The following XPO5 variants were observed in gnomAD, a reference collection of about 807,000 sequenced individuals.
XPO5 encodes exportin 5, also known as exportin-5.
XPO5 carries 46 observed loss-of-function variants against 160.6 expected under a neutral mutation model. The observed-to-expected ratio is 0.29, with a 90% CI of 0.23 to 0.37. The LOEUF (loss-of-function observed/expected upper bound fraction) is 0.37, where lower values mean the gene tolerates loss of function less well. Ranked by LOEUF, XPO5 falls within the 10% of genes least tolerant of loss-of-function variation. The pLI is 1.00. For missense variants in XPO5, 1,090 were observed against 1,463.9 expected (o/e 0.74, Z 4.17); for synonymous variants, 537 against 519.3 (o/e 1.03, Z -0.46).
At chr6:43,539,235 G>A in intron 20 of XPO5, 2 of 1,284,852 alleles carry the variant, frequency 1.6e-6, no homozygotes, top group South Asian at 1.2e-5. Context: ...AGCTTGGCCA[G>A]GATGATGGCC....
intron 9 of XPO5, 145 bp downstream of exon 9, chr6:43,562,102 A>C: frequency 3.6e-6 from 2 of 551,726 alleles, no homozygotes; most frequent in Non-Finnish European, 6.4e-6. Context: ...AGATAATTTA[A>C]TCTATAGAAT....
chr6:43,537,152 T>A (rs1256997048), intron 20 of XPO5, among the ~76,000 whole-genome samples: 1 of 151,506 alleles, frequency 6.6e-6, no homozygotes, highest in Non-Finnish European at 1.5e-5. Context: ...TTTTTTTTTT[T>A]TTTTGTAGAG....
intron 26 of XPO5, 135 bp from the exon 27 acceptor site, chr6:43,526,882 A>C: frequency 3.6e-6 from 3 of 825,676 alleles, no homozygotes; most frequent in Non-Finnish European, 4.0e-6. Flanking sequence ...CCAAGGCACA[A>C]GAATTAGCTT....
At chr6:43,545,047 A>G (rs1794897791) in intron 20 of XPO5, among the ~76,000 whole-genome samples, 1 of 151,696 alleles carries the variant, frequency 6.6e-6, no homozygotes, top group African/African-American at 2.4e-5. Flanking sequence ...TAATTTTTGT[A>G]TTTTTAGTAG....
Position 43,549,943 on chromosome 6 carries a change from G to A in XPO5, c.1729-9C>T, listed in dbSNP as rs1455064790. 1 of 1,611,826 alleles carries A rather than the reference G, an allele frequency of 6.2e-7. No individual in the cohort carries two copies. The highest frequency in any genetic ancestry group is 8.5e-7 in the Non-Finnish European group (1 of 1,178,862). On this transcript the variant is annotated splice_polypyrimidine_tract_variant and intron_variant, in intron 15 of 31. Coordinates refer to ENST00000265351, the MANE Select transcript of XPO5 (RefSeq NM_020750.3). Reference sequence around the variant, plus strand: ...GTGACAGATGAAAATAGCTAAGGGAGAGGAGGAAAAAAGGTCACTCATGTT... The same window carrying A: ...GTGACAGATGAAAATAGCTAAGGGAAAGGAGGAAAAAAGGTCACTCATGTT...
At position 43,522,754 on chromosome 6, in the gene XPO5, C is replaced by T. The variant is rs1561860134; in HGVS notation, c.*1114G>A. The T allele has an allele frequency of 2.0e-6, 1 of 491,370 alleles. No homozygotes were observed. Among genetic ancestry groups the T allele is most frequent in the South Asian group, 1.5e-5 (1 of 66,320 alleles). The allele number at this position is 491,370 out of a possible 1,614,324, so 30.4% of individuals were successfully genotyped here. A position where few individuals can be genotyped will look rare whatever the true frequency, so the allele number is the denominator to read the frequency against. On this transcript the variant is annotated 3_prime_UTR_variant, in exon 32 of 32. Coordinates refer to ENST00000265351, the MANE Select transcript of XPO5 (RefSeq NM_020750.3). ...GATGGACAACAGGTCTGTTTTTGTG[C>T]AGAGCACATGGACACACTGGTTTCT...
chr6:43,522,589 G>A lies in XPO5; in HGVS notation c.*1279C>T, dbSNP rs1793258211. 9 of 336,434 alleles carry A rather than the reference G, an allele frequency of 2.7e-5. No homozygotes were observed. Among genetic ancestry groups the A allele is most frequent in the South Asian group, 1.8e-4 (8 of 45,006 alleles). The allele number at this position is 336,434 out of a possible 1,614,324, so 20.8% of individuals were successfully genotyped here. ...AAACCCAGAGCACCACACAGGAAGA[G>A]GGAGCAACACAAGACTCCCAACTTC... On this transcript the variant is annotated 3_prime_UTR_variant, in exon 32 of 32. Transcript: ENST00000265351.
Position 43,575,939 on chromosome 6 carries a change from A to C in XPO5, c.-75T>G, listed in dbSNP as rs750991360. ...GAGGCACGACAGCTCCCTCGGCGAG[A>C]CCACCCGTTGGTACCGGGCCGCGGC... On this transcript the variant is annotated 5_prime_UTR_variant, in exon 1 of 32. Coordinates refer to ENST00000265351, the MANE Select transcript of XPO5 (RefSeq NM_020750.3). 443 of 1,467,644 alleles carry C rather than the reference A, an allele frequency of 3.0e-4. 1 individual carries two copies. Among genetic ancestry groups the C allele is most frequent in the Non-Finnish European group, 4.1e-4 (433 of 1,066,102 alleles). 90.9% of individuals were successfully genotyped at this position (1,467,644 alleles called of 1,614,324 possible). A position where few individuals can be genotyped will look rare whatever the true frequency, so the allele number is the denominator to read the frequency against.
intron 6 of XPO5, among the ~76,000 whole-genome samples, chr6:43,568,062 A>G (rs1360409014): frequency 6.6e-6 from 1 of 150,818 alleles, no homozygotes; most frequent in Non-Finnish European, 1.5e-5. Flanking sequence ...TAATCCCAGC[A>G]CTTTGGGAAG....
chr6:43,570,498 T>C lies in XPO5; in HGVS notation c.621+4A>G. On this transcript the variant is annotated splice_donor_region_variant and intron_variant, in intron 5 of 31. Transcript: ENST00000265351. ...GAAATGTTATAGGTAGGGGTATCCC[T>C]TACCACTTGCTGATACTTGTTTACA... 1 of 1,612,486 alleles carries C rather than the reference T, an allele frequency of 6.2e-7. No homozygotes were observed. Among genetic ancestry groups the C allele is most frequent in the Non-Finnish European group, 8.5e-7 (1 of 1,179,130 alleles).
chr6:43,540,584 T>C (rs887577358), intron 20 of XPO5, among the ~76,000 whole-genome samples: 19 of 151,774 alleles, frequency 1.3e-4, no homozygotes, highest in African/African-American at 4.6e-4. Flanking sequence ...ACCTGGGAGG[T>C]AGAGGTTGAA....
At chr6:43,536,189 C>T (rs969831394) in intron 20 of XPO5, among the ~76,000 whole-genome samples, 20 of 143,370 alleles carry the variant, frequency 1.4e-4, no homozygotes, top group South Asian at 4.5e-4. Flanking sequence ...CTAAGGCAGA[C>T]GGATCACCTG....
At chr6:43,526,085 T>C in intron 27 of XPO5, 164 bp from the exon 28 acceptor site, 1 of 651,210 alleles carries the variant, frequency 1.5e-6, no homozygotes, top group Non-Finnish European at 2.6e-6. Context: ...CCCATGCCCA[T>C]GGCTGATCTT....
intron 15 of XPO5, 147 bp from the exon 16 acceptor site, chr6:43,550,081 C>T (rs1795156000): frequency 1.3e-6 from 1 of 745,432 alleles, no homozygotes; most frequent in Admixed American, 2.5e-5. Context: ...CGGGCATGAG[C>T]TTATTCATAC....
chr6:43,525,155 C>G lies in XPO5; in HGVS notation c.3126G>C (p.Leu1042=). The change falls in exon 29 of 32, where the codon CTG becomes CTC. Residue 1042 remains leucine, a synonymous_variant. Coordinates refer to ENST00000265351, the MANE Select transcript of XPO5 (RefSeq NM_020750.3). ...AFNSLAWKDT[L]SCQRTTSQLC... ...GCTGTGAGGTTGTCCTCTGGCAGGA[C>G]AGAGTATCTTTCCAGGCCAGGGAAT... 6.3e-7 allele frequency: 1 copy of G among 1,584,692 alleles called. No homozygotes were observed. Among genetic ancestry groups the G allele is most frequent in the Non-Finnish European group, 8.6e-7 (1 of 1,164,708 alleles).
intron 14 of XPO5, 132 bp from the exon 15 acceptor site, chr6:43,551,585 C>T (rs1461687735): frequency 2.9e-6 from 3 of 1,049,916 alleles, no homozygotes; most frequent in African/African-American, 1.6e-5. Flanking sequence ...TGCACAGTGG[C>T]ACAATCATCA....
intron 27 of XPO5, 37 bp from the exon 28 acceptor site, chr6:43,525,958 T>C: frequency 6.2e-7 from 1 of 1,608,540 alleles, no homozygotes; most frequent in Non-Finnish European, 8.5e-7. Flanking sequence ...CTCCATCCTT[T>C]CAGAACAGAG....
intron 20 of XPO5, among the ~76,000 whole-genome samples, chr6:43,545,570 G>A (rs940920231): frequency 6.6e-6 from 1 of 152,108 alleles, no homozygotes; most frequent in Non-Finnish European, 1.5e-5. Context: ...AGCCAGGAGT[G>A]GTGGTGCACA....
Position 43,530,964 on chromosome 6 carries a change from T to C in XPO5, c.2541-140A>G, listed in dbSNP as rs897073936. 42 of 1,096,686 alleles carry C rather than the reference T, an allele frequency of 3.8e-5. No homozygotes were observed. The Admixed American group carries it at 3.9e-4, about 10-fold the overall frequency. 67.9% of individuals were successfully genotyped at this position (1,096,686 alleles called of 1,614,324 possible). On this transcript the variant is annotated intron_variant, in intron 22 of 31. Coordinates refer to ENST00000265351, the MANE Select transcript of XPO5 (RefSeq NM_020750.3). The stretch of plus-strand genomic sequence containing the variant: ...AGTTGTATTTACTTAAGAGAACTTA[T>C]AGATACAGCATCTTTTTAAAGACAG...
Sources: gnomAD v4.1 joint callset for allele counts (sites outside exome capture counted in the v4.1 genomes callset) on GRCh38, gnomAD v4.1.1 for gene constraint, MANE v1.5 for transcripts, NCBI Gene and HGNC (gene_info 2026-07-23, HGNC 2026-07-21) for gene names.